Variants in GPN2 observed in about 807,000 individuals in gnomAD.
GPN2 encodes ATP-binding domain 1 family member B.
A neutral mutation model predicts 30.1 loss-of-function variants in GPN2; 27 were observed. The ratio of observed to expected loss-of-function variants is 0.90; its 90% confidence interval spans 0.66 to 1.24. The LOEUF (loss-of-function observed/expected upper bound fraction) is 1.24, where lower values mean the gene tolerates loss of function less well. Ranked by LOEUF, GPN2 falls within the 50% of genes most tolerant of loss-of-function variation. The pLI, the probability that GPN2 is intolerant of heterozygous loss-of-function variation, is 0.00. For missense variants in GPN2, 406 were observed against 405.4 expected (o/e 1.00, Z -0.01); for synonymous variants, 212 against 174.4 (o/e 1.22, Z -1.70).
At position 26,886,036 on chromosome 1, in the gene GPN2, A is replaced by G; in HGVS notation, c.666T>C (p.Asn222=). ...CTTCGATGAGCTGCACTAGCTTCTC[A>G]TTGAGCTGGCGGTAGTGGCGGAAGA... The part of the protein sequence containing the change: ...DPFFRHYRQL[N]EKLVQLIEDY... The change falls in exon 3 of 5, where the codon AAT becomes AAC. Residue 222 remains asparagine (N), a synonymous_variant. Coordinates refer to ENST00000374135, the MANE Select transcript of GPN2 (RefSeq NM_018066.4). 1 of 1,613,218 alleles carries G rather than the reference A, an allele frequency of 6.2e-7. No homozygotes were observed. Among genetic ancestry groups the G allele is most frequent in the Non-Finnish European group, 8.5e-7 (1 of 1,179,220 alleles).
intron 4 of GPN2, among the ~76,000 whole-genome samples, chr1:26,881,707 C>G (rs928210320): frequency 6.6e-6 from 1 of 152,162 alleles, no homozygotes; most frequent in African/African-American, 2.4e-5. Flanking sequence ...GCACTCCAGC[C>G]TGGGCAACAG....
At chr1:26,885,578 C>CCT (rs1337946566) in intron 3 of GPN2, among the ~76,000 whole-genome samples, 16 of 131,896 alleles carry the variant, frequency 1.2e-4, no homozygotes, top group African/African-American at 4.4e-4. Context: ...AAAGACCACT[C>CCT]TTTTTTTTTT....
At position 26,886,004 on chromosome 1, in the gene GPN2, C is replaced by T; in HGVS notation, c.698G>A (p.Ser233Asn). 1 of 1,613,642 alleles carries T rather than the reference C, an allele frequency of 6.2e-7. No individual in the cohort carries two copies. The highest frequency in any genetic ancestry group is 8.5e-7 in the Non-Finnish European group (1 of 1,179,636). ...EKLVQLIEDY[S>N]LVSFIPLNIQ... The stretch of plus-strand genomic sequence containing the variant: ...GTTGAGAGGGATAAAGGAGACAAGG[C>T]TATAGTCTTCGATGAGCTGCACTAG... The change falls in exon 3 of 5, where the codon AGC becomes AAC. Residue 233 changes from serine (S) to asparagine (N), a missense_variant. Transcript: ENST00000374135.
rs2081853841 is a variant in GPN2, at chr1:26,879,402, G to A, written c.*275C>T. ...AAAGTAGAAAATAAACTCTTGTATTGTAGCACATTTCATCACAGCCTGACT... is the reference window on the plus strand; with the variant it reads ...AAAGTAGAAAATAAACTCTTGTATTATAGCACATTTCATCACAGCCTGACT... On this transcript the variant is annotated 3_prime_UTR_variant, in exon 5 of 5. Coordinates refer to ENST00000374135, the MANE Select transcript of GPN2 (RefSeq NM_018066.4). The A allele has an allele frequency of 2.2e-6, 1 of 453,538 alleles. No homozygotes were observed. The highest frequency in any genetic ancestry group is 4.0e-6 in the Non-Finnish European group (1 of 247,148). The allele number at this position is 453,538 out of a possible 1,614,324, so 28.1% of individuals were successfully genotyped here.
In GPN2 at chr1:26,890,259, A is replaced by T; in HGVS notation, c.-163T>A. The stretch of plus-strand genomic sequence containing the variant: ...CTGAGACCGTGTCGCGCAAAAGGAG[A>T]TAACAGGCCGATACTAACTAGACTA... On this transcript the variant is annotated 5_prime_UTR_variant, in exon 1 of 5. Coordinates refer to ENST00000374135, the MANE Select transcript of GPN2 (RefSeq NM_018066.4). 1.6e-6 allele frequency: 1 copy of T among 624,248 alleles called. No individual in the cohort carries two copies. The highest frequency in any genetic ancestry group is 2.3e-5 in the South Asian group (1 of 43,416). The allele number at this position is 624,248 out of a possible 1,614,324, so 38.7% of individuals were successfully genotyped here. A position where few individuals can be genotyped will look rare whatever the true frequency, so the allele number is the denominator to read the frequency against.
At chr1:26,884,493 C>G (rs933326089) in intron 3 of GPN2, among the ~76,000 whole-genome samples, 5 of 152,186 alleles carry the variant, frequency 3.3e-5, no homozygotes, top group Admixed American at 2.0e-4. Context: ...ATAAGCTCCC[C>G]TATGCATATC....
chr1:26,885,581 T>TC (rs1380449216), intron 3 of GPN2, among the ~76,000 whole-genome samples: 1 of 148,706 alleles, frequency 6.7e-6, no homozygotes, highest in Non-Finnish European at 1.5e-5. Flanking sequence ...GACCACTCTT[T>TC]TTTTTTTTTT....
intron 4 of GPN2, among the ~76,000 whole-genome samples, 184 bp from the exon 5 acceptor site, chr1:26,879,933 G>A (rs1466876042): frequency 6.6e-6 from 1 of 152,172 alleles, no homozygotes; most frequent in Non-Finnish European, 1.5e-5. Context: ...TCCTCTATCT[G>A]CCTCTTCCAC....
intron 2 of GPN2, chr1:26,886,393 C>T (rs533640508): frequency 1.9e-6 from 1 of 530,438 alleles, no homozygotes; most frequent in South Asian, 1.5e-5. Flanking sequence ...CAGAGAAGTG[C>T]TTGATCAATA....
In GPN2 at chr1:26,877,774, G is replaced by C. The variant is rs531564359; in HGVS notation, c.*1903C>G. 3 of 152,290 alleles carry C rather than the reference G, an allele frequency of 2.0e-5. No individual in the cohort carries two copies. The highest frequency in any genetic ancestry group is 7.2e-5 in the African/African-American group (3 of 41,452). 9.4% of individuals were successfully genotyped at this position (152,290 alleles called of 1,614,324 possible). A position where few individuals can be genotyped will look rare whatever the true frequency, so the allele number is the denominator to read the frequency against. On this transcript the variant is annotated 3_prime_UTR_variant, in exon 5 of 5. Transcript: ENST00000374135. ...AATGTGGCCGGGTGCAGTGGCTCAC[G>C]CCTGTAATCCCAGCACTTTGGGAGG...
chr1:26,888,939 CT>C, intron 2 of GPN2, 29 bp downstream of exon 2: 2 of 1,612,374 alleles, frequency 1.2e-6, no homozygotes, highest in Non-Finnish European at 1.7e-6. Context: ...AGCTGCTGCC[CT>C]GCTCTTCGCC....
chr1:26,884,712 G>A (rs2123998824), intron 3 of GPN2, among the ~76,000 whole-genome samples: 1 of 152,330 alleles, frequency 6.6e-6, no homozygotes, highest in African/African-American at 2.4e-5. Flanking sequence ...CAGGCACGGT[G>A]GTTCACACCT....
Position 26,884,224 on chromosome 1 carries a change from G to C in GPN2, c.796C>G (p.Gln266Glu), listed in dbSNP as rs1380846698. The C allele has an allele frequency of 6.2e-7, 1 of 1,613,894 alleles. No individual in the cohort carries two copies. The highest frequency in any genetic ancestry group is 1.1e-5 in the South Asian group (1 of 91,060). Residue 266 changes from glutamine to glutamate, a missense_variant, in exon 4 of 5, where the codon CAA (glutamine) becomes GAA (glutamate). Transcript: ENST00000374135. ...DKANGYCFRA[Q>E]EQRSLEAMMS... Reference sequence around the variant, plus strand: ...ATGGCTTCCAAGCTTCGCTGCTCTTGGGCTCTGAAACAGTATCCATTGGCT... The same window carrying C: ...ATGGCTTCCAAGCTTCGCTGCTCTTCGGCTCTGAAACAGTATCCATTGGCT...
rs975194374 is a variant in GPN2 at position 26,890,185 on chromosome 1, G to A, written c.-89C>T. 2.6e-6 allele frequency: 3 copies of A among 1,157,646 alleles called. No homozygotes were observed. The African/African-American group carries it at 4.7e-5, about 18-fold the overall frequency. The allele number at this position is 1,157,646 out of a possible 1,614,324, so 71.7% of individuals were successfully genotyped here. On this transcript the variant is annotated 5_prime_UTR_variant, in exon 1 of 5. Coordinates refer to ENST00000374135, the MANE Select transcript of GPN2 (RefSeq NM_018066.4). ...GACGAGACTGAGGGCGAGGGTCCCA[G>A]TACGTATACCTCGTTGGCGGCCAGC...
In GPN2 at chr1:26,886,022, T is replaced by C. The variant is rs17856257; in HGVS notation, c.680A>G (p.Gln227Arg). The C allele has an allele frequency of 2.3e-3, 3,637 of 1,612,842 alleles. 80 individuals are homozygous for C. The African/African-American group carries it at 0.044, about 19-fold the overall frequency. ...HYRQLNEKLV[Q>R]LIEDYSLVSF... ...GACAAGGCTATAGTCTTCGATGAGC[T>C]GCACTAGCTTCTCATTGAGCTGGCG... The change falls in exon 3 of 5, where the codon CAG becomes CGG. Residue 227 changes from glutamine (Q) to arginine (R), a missense_variant. Gln to Arg is a conservative substitution (Grantham distance 43). Coordinates refer to ENST00000374135, the MANE Select transcript of GPN2 (RefSeq NM_018066.4).
intron 3 of GPN2, among the ~76,000 whole-genome samples, chr1:26,884,495 A>C (rs1051793172): frequency 5.9e-5 from 9 of 152,116 alleles, no homozygotes; most frequent in African/African-American, 2.2e-4. Context: ...AAGCTCCCCT[A>C]TGCATATCCA....
In GPN2 at chr1:26,879,588, C is replaced by G. The variant is rs1350506012; in HGVS notation, c.*89G>C. The G allele has an allele frequency of 2.0e-6, 2 of 995,268 alleles. No homozygotes were observed. The highest frequency in any genetic ancestry group is 3.1e-6 in the Non-Finnish European group (2 of 636,638). 61.7% of individuals were successfully genotyped at this position (995,268 alleles called of 1,614,324 possible). On this transcript the variant is annotated 3_prime_UTR_variant, in exon 5 of 5. Transcript: ENST00000374135. ...AGCCCGCCAGCTCTGGCTGGGAGGA[C>G]TTGCTCTTGGGTCTGCAGCCTGCAT...
chr1:26,887,844 AG>A (rs1396902037), intron 2 of GPN2, among the ~76,000 whole-genome samples: 6 of 149,980 alleles, frequency 4.0e-5, no homozygotes, highest in Admixed American at 4.0e-4. Flanking sequence ...TACAGGCGTG[AG>A]CCACTGCGCC....
Position 26,890,232 on chromosome 1 carries a change from A to G in GPN2, c.-136T>C. On this transcript the variant is annotated 5_prime_UTR_variant, in exon 1 of 5. Transcript: ENST00000374135. ...CAGCGTCACTCGCCTCAGGCGGAAC[A>G]GCTGAGACCGTGTCGCGCAAAAGGA... The G allele has an allele frequency of 1.4e-6, 1 of 740,270 alleles. No homozygotes were observed. The highest frequency in any genetic ancestry group is 2.1e-6 in the Non-Finnish European group (1 of 475,104). The allele number at this position is 740,270 out of a possible 1,614,324, so 45.9% of individuals were successfully genotyped here.
Sources: gnomAD v4.1 joint callset for allele counts (sites outside exome capture counted in the v4.1 genomes callset) on GRCh38, gnomAD v4.1.1 for gene constraint, MANE v1.5 for transcripts, NCBI Gene and HGNC (gene_info 2026-07-23, HGNC 2026-07-21) for gene names.